IMMP2L: variants seen among roughly 807,000 people sequenced by gnomAD.
IMMP2L encodes inner mitochondrial membrane peptidase subunit 2, also known as mitochondrial inner membrane protease subunit 2.
Under a neutral mutation model 19.3 loss-of-function variants are expected in IMMP2L, and 18 were observed. The observed-to-expected ratio is 0.93, with a 90% confidence interval of 0.64 to 1.38. IMMP2L has a LOEUF of 1.38. IMMP2L is among the 40% of genes most tolerant of loss of function. The pLI, the probability that IMMP2L is intolerant of heterozygous loss-of-function variation, is 0.00. For missense variants in IMMP2L, 233 were observed against 218.2 expected, an observed-to-expected ratio of 1.07 and a Z score of -0.43; for synonymous variants, 76 against 73.0, an observed-to-expected ratio of 1.04 and a Z score of -0.21.
At chr7:110,771,220 C>T (rs1468943169) in intron 5 of IMMP2L, among the ~76,000 whole-genome samples, 1 of 152,090 alleles carries the variant, frequency 6.6e-6, no homozygotes, top group Non-Finnish European at 1.5e-5. Context: ...TATGAGACTG[C>T]TGGTTTGGAC....
At chr7:111,494,575 C>G (rs1253101295) in intron 2 of IMMP2L, among the ~76,000 whole-genome samples, 1 of 152,172 alleles carries the variant, frequency 6.6e-6, no homozygotes, top group East Asian at 1.9e-4. Context: ...ACACAGAAAA[C>G]TATGTTCAAA....
intron 3 of IMMP2L, among the ~76,000 whole-genome samples, chr7:111,176,586 G>A (rs1807084019): frequency 1.3e-5 from 2 of 151,988 alleles, no homozygotes; most frequent in Admixed American, 6.6e-5. Flanking sequence ...ATGAACTCAT[G>A]GAGATAGAGA....
At chr7:111,161,031 T>G (rs1562871252) in intron 3 of IMMP2L, among the ~76,000 whole-genome samples, 1 of 151,700 alleles carries the variant, frequency 6.6e-6, no homozygotes, top group Admixed American at 6.6e-5. Context: ...ATAGTCGATC[T>G]CAACAAAGAA....
At chr7:110,982,907 TA>T (rs1821452593) in intron 3 of IMMP2L, among the ~76,000 whole-genome samples, 1 of 152,128 alleles carries the variant, frequency 6.6e-6, no homozygotes, top group East Asian at 1.9e-4. Flanking sequence ...ATAGAACCAT[TA>T]ACTATATCTC....
At chr7:110,976,385 G>C (rs6970125) in intron 3 of IMMP2L, among the ~76,000 whole-genome samples, 2 of 151,842 alleles carry the variant, frequency 1.3e-5, no homozygotes, top group East Asian at 3.9e-4. Context: ...TTAGCATAAC[G>C]TCTTCAAGAC....
At chr7:111,139,629 C>G (rs1303246514) in intron 3 of IMMP2L, among the ~76,000 whole-genome samples, 2 of 152,092 alleles carry the variant, frequency 1.3e-5, no homozygotes, top group Non-Finnish European at 2.9e-5. Context: ...GCAAGTTAAT[C>G]ATCTCTCCCA....
chr7:111,404,510 G>C (rs1324204448), intron 3 of IMMP2L, among the ~76,000 whole-genome samples: 3 of 152,000 alleles, frequency 2.0e-5, no homozygotes, highest in Non-Finnish European at 4.4e-5. Context: ...ATGCTTTCTG[G>C]AACTCTTTTT....
At chr7:110,805,431 T>C (rs1484320589) in intron 5 of IMMP2L, among the ~76,000 whole-genome samples, 1 of 152,048 alleles carries the variant, frequency 6.6e-6, no homozygotes, top group African/African-American at 2.4e-5. Flanking sequence ...TACAATCTCT[T>C]TCATGGTCCA....
At chr7:111,067,065 GAAA>G (rs1794574884) in intron 3 of IMMP2L, among the ~76,000 whole-genome samples, 1 of 152,186 alleles carries the variant, frequency 6.6e-6, no homozygotes, top group Non-Finnish European at 1.5e-5. Context: ...AAAGACAATG[GAAA>G]CTTCATGTCT....
At chr7:110,669,709 G>A (rs1035699618) in intron 5 of IMMP2L, among the ~76,000 whole-genome samples, 1 of 152,160 alleles carries the variant, frequency 6.6e-6, no homozygotes, top group Non-Finnish European at 1.5e-5. Flanking sequence ...CGTAGCCGAG[G>A]TAGTGTAGGT....
intron 3 of IMMP2L, chr7:111,124,918 A>C: frequency 6.9e-7 from 1 of 1,446,554 alleles, no homozygotes; most frequent in South Asian, 1.5e-5. Flanking sequence ...AAGGAAACCT[A>C]CTCCAAAAAT....
chr7:110,820,443 G>T (rs1189369158), intron 5 of IMMP2L, among the ~76,000 whole-genome samples: 1 of 151,940 alleles, frequency 6.6e-6, no homozygotes, highest in African/African-American at 2.4e-5. Flanking sequence ...TATCAATAAA[G>T]TAGCTTATGG....
At chr7:111,082,425 C>T (rs951994195) in intron 3 of IMMP2L, among the ~76,000 whole-genome samples, 4 of 152,204 alleles carry the variant, frequency 2.6e-5, no homozygotes, top group African/African-American at 4.8e-5. Context: ...TACAGTACAA[C>T]GCTTTGTGAA....
At position 111,432,237 on chromosome 7, in the gene IMMP2L, C is replaced by A. The variant is rs377248691; in HGVS notation, c.239+55001G>T. On this transcript the variant is annotated intron_variant, in intron 3 of 5. Coordinates refer to ENST00000405709, the MANE Select transcript of IMMP2L (RefSeq NM_032549.4). ...TGCTTGGAGTGTGGGGGAAAAAAAA[C>A]CCCACACATATGGTCACAGCAGTCT... Among the ~76,000 whole-genome samples the A allele has an allele frequency of 3.2e-4, 48 of 151,458 alleles. 1 individual carries two copies. Among genetic ancestry groups the A allele is most frequent in the African/African-American group, 5.6e-4 (23 of 41,110 alleles).
chr7:111,122,842 G>C lies in IMMP2L; in HGVS notation c.240-159277C>G, dbSNP rs572066802. ...TATCACTACACTAGTACAAGCTGTA[G>C]ATAAAAAAGTGGATTGTCCACGGTT... is the stretch of plus-strand genomic sequence containing the variant. On this transcript the variant is annotated intron_variant, in intron 3 of 5. Transcript: ENST00000405709. The C allele has an allele frequency of 2.5e-6, 4 of 1,613,948 alleles. No individual in the cohort carries two copies. The East Asian group carries it at 6.7e-5, about 27-fold the overall frequency.
intron 3 of IMMP2L, among the ~76,000 whole-genome samples, chr7:111,471,444 A>T (rs186812310): frequency 1.5e-4 from 23 of 152,118 alleles, no homozygotes; most frequent in Admixed American, 1.4e-3. Context: ...AGCAAGGTCC[A>T]ATACAGTAGC....
chr7:111,192,304 T>C (rs949054949), intron 3 of IMMP2L, among the ~76,000 whole-genome samples: 3 of 152,138 alleles, frequency 2.0e-5, no homozygotes, highest in African/African-American at 7.2e-5. Flanking sequence ...TACTACACCA[T>C]GATATAAGTA....
chr7:111,379,693 T>C (rs1831014580), intron 3 of IMMP2L, among the ~76,000 whole-genome samples: 1 of 151,848 alleles, frequency 6.6e-6, no homozygotes, highest in South Asian at 2.1e-4. Context: ...ATTCCAGAAG[T>C]ATAAAATGCC....
At chr7:110,910,344 A>G (rs1812921305) in intron 4 of IMMP2L, among the ~76,000 whole-genome samples, 1 of 152,200 alleles carries the variant, frequency 6.6e-6, no homozygotes, top group Non-Finnish European at 1.5e-5. Flanking sequence ...TCAGCAAAGT[A>G]ACCTGATGAG....
Sources: allele counts gnomAD v4.1 joint callset (sites outside exome capture counted in the v4.1 genomes callset), GRCh38; gene constraint gnomAD v4.1.1; transcripts MANE v1.5; gene names NCBI Gene and HGNC (gene_info 2026-07-23, HGNC 2026-07-21).